The following GNAI3 variants were observed in gnomAD, a reference collection of about 807,000 sequenced individuals.
GNAI3 encodes the protein G protein subunit alpha i3, also known as guanine nucleotide-binding protein G(i) subunit alpha-3.
A neutral mutation model predicts 41.8 loss-of-function variants in GNAI3; 12 were observed. The observed-to-expected ratio is 0.29, with a 90% confidence interval of 0.18 to 0.47. The LOEUF (loss-of-function observed/expected upper bound fraction) is 0.47. GNAI3 is among the 20% of genes least tolerant of loss of function. The probability of loss-of-function intolerance (pLI) is 1.00; values close to 1 mark genes in which losing one functional copy is unlikely to be tolerated. For synonymous variants in GNAI3, 132 were observed against 146.5 expected, an observed-to-expected ratio of 0.90 and a Z score of 0.71; for missense variants, 360 against 429.6, an observed-to-expected ratio of 0.84 and a Z score of 1.43.
chr1:109,564,183 T>G (rs1042020767), intron 1 of GNAI3, among the ~76,000 whole-genome samples: 5 of 152,168 alleles, frequency 3.3e-5, no homozygotes, highest in African/African-American at 1.2e-4. Flanking sequence ...CCGCAAGAAC[T>G]GATGCAGCTC....
intron 5 of GNAI3, among the ~76,000 whole-genome samples, chr1:109,585,935 C>T (rs1348206497): frequency 6.6e-6 from 1 of 152,020 alleles, no homozygotes. Flanking sequence ...CATTTCAGTG[C>T]TTATTCTGCT....
Position 109,553,854 on chromosome 1 carries a change from A to G in GNAI3, c.118+5016A>G, listed in dbSNP as rs569005932. On this transcript the variant is annotated intron_variant, in intron 1 of 8. Coordinates refer to ENST00000369851, the MANE Select transcript of GNAI3 (RefSeq NM_006496.4). ...AATGTATAGTCCTTTATCCCTCACCACCTTCCCACCCTTTCCCCCGAGTCC... is the reference window on the plus strand; with the variant it reads ...AATGTATAGTCCTTTATCCCTCACCGCCTTCCCACCCTTTCCCCCGAGTCC... Among the ~76,000 whole-genome samples the G allele has an allele frequency of 2.0e-4, 31 of 152,096 alleles. 1 individual carries two copies. Among genetic ancestry groups the G allele is most frequent in the Middle Eastern group, 6.8e-3 (2 of 294 alleles).
chr1:109,567,434 G>A (rs977862868), intron 1 of GNAI3, among the ~76,000 whole-genome samples: 2 of 152,192 alleles, frequency 1.3e-5, no homozygotes, highest in Non-Finnish European at 2.9e-5. Flanking sequence ...ATAAATGGTT[G>A]AAAAGGAGAG....
intron 1 of GNAI3, among the ~76,000 whole-genome samples, chr1:109,555,236 G>A (rs896369817): frequency 6.6e-6 from 1 of 152,078 alleles, no homozygotes; most frequent in African/African-American, 2.4e-5. Context: ...GCAAGACTAA[G>A]CAAAAAGAAC....
In GNAI3 at chr1:109,589,096, G is replaced by A. The variant is rs146561488; in HGVS notation, c.874+2214G>A. Among the ~76,000 whole-genome samples the A allele has an allele frequency of 4.8e-3, 733 of 152,214 alleles. 7 individuals carry two copies. Among genetic ancestry groups the A allele is most frequent in the African/African-American group, 0.016 (669 of 41,522 alleles). On this transcript the variant is annotated intron_variant, in intron 7 of 8. Transcript: ENST00000369851. ...TTATATTCGAGGTTGAGGAGAGGTT[G>A]GGGTTTGAGATCATCAGTAGTGAAA...
intron 1 of GNAI3, among the ~76,000 whole-genome samples, chr1:109,562,233 A>G (rs979037817): frequency 6.6e-6 from 1 of 152,136 alleles, no homozygotes; most frequent in African/African-American, 2.4e-5. Context: ...TAATACAAAA[A>G]AAGTATAACT....
At chr1:109,583,493 G>A (rs1427290458) in intron 5 of GNAI3, among the ~76,000 whole-genome samples, 1 of 152,204 alleles carries the variant, frequency 6.6e-6, no homozygotes, top group Non-Finnish European at 1.5e-5. Flanking sequence ...GGGATTGCAG[G>A]TGTGAGCCAC....
At chr1:109,555,397 A>G (rs1057280879) in intron 1 of GNAI3, among the ~76,000 whole-genome samples, 1 of 152,218 alleles carries the variant, frequency 6.6e-6, no homozygotes, top group Non-Finnish European at 1.5e-5. Flanking sequence ...CCAGTCAACT[A>G]ATCTTCGACA....
chr1:109,574,655 G>A (rs1037128745), intron 3 of GNAI3, among the ~76,000 whole-genome samples: 13 of 152,102 alleles, frequency 8.5e-5, no homozygotes, highest in South Asian at 8.3e-4. Flanking sequence ...TAAAATTAGA[G>A]CATGTGTAAT....
At chr1:109,573,527 A>C (rs1169718968) in intron 1 of GNAI3, among the ~76,000 whole-genome samples, 1 of 152,222 alleles carries the variant, frequency 6.6e-6, no homozygotes, top group East Asian at 1.9e-4. Context: ...GGACACTTTC[A>C]ATAAATTATA....
At chr1:109,562,389 G>T (rs768208768) in intron 1 of GNAI3, among the ~76,000 whole-genome samples, 6 of 152,186 alleles carry the variant, frequency 3.9e-5, no homozygotes, top group East Asian at 1.9e-4. Flanking sequence ...GGTATCCTAG[G>T]GGGGGTCCTG....
At chr1:109,573,641 C>T (rs1359432130) in intron 1 of GNAI3, 96 bp from the exon 2 acceptor site, 5 of 1,012,612 alleles carry the variant, frequency 4.9e-6, no homozygotes, top group African/African-American at 4.8e-5. Context: ...CCCTAGGACC[C>T]GTGGTTTTCA....
At chr1:109,549,734 C>G (rs1308273141) in intron 1 of GNAI3, among the ~76,000 whole-genome samples, 2 of 152,162 alleles carry the variant, frequency 1.3e-5, no homozygotes, top group African/African-American at 2.4e-5. Flanking sequence ...TGGTAGACTT[C>G]TGGTGGCTGT....
rs568431683 is a variant in GNAI3 at position 109,599,217 on chromosome 1, AT to A, written c.*6901del. The A allele has an allele frequency of 2.1e-5, 4 of 193,390 alleles. No individual in the cohort carries two copies. In the South Asian group the frequency reaches 2.2e-4, roughly 11 times the overall value. 12.0% of individuals were successfully genotyped at this position (193,390 alleles called of 1,614,324 possible). A position where few individuals can be genotyped will look rare whatever the true frequency, so the allele number is the denominator to read the frequency against. ...AAATACAAATTTCTAATTATAGTAT[AT>A]TTTTTCTATTTTTAAAATTGTGATA... is the stretch of plus-strand genomic sequence containing the variant. On this transcript the variant is annotated 3_prime_UTR_variant, in exon 9 of 9. Transcript: ENST00000369851.
At chr1:109,560,311 A>G (rs1648275287) in intron 1 of GNAI3, among the ~76,000 whole-genome samples, 1 of 152,168 alleles carries the variant, frequency 6.6e-6, no homozygotes, top group Non-Finnish European at 1.5e-5. Context: ...TTATATCTCA[A>G]AGAATTCTTA....
rs541741792 is a variant in GNAI3 at position 109,599,995 on chromosome 1, G to C, written c.*7673G>C. ...CTTGATGAAGATACTCTTCCTTCCT[G>C]GGCTTCAGTTTTTGATCTATAAATT... On this transcript the variant is annotated 3_prime_UTR_variant, in exon 9 of 9. Coordinates refer to ENST00000369851, the MANE Select transcript of GNAI3 (RefSeq NM_006496.4). 2.0e-5 allele frequency: 3 copies of C among 152,040 alleles called. No homozygotes were observed. Among genetic ancestry groups the C allele is most frequent in the Non-Finnish European group, 4.4e-5 (3 of 68,004 alleles). 9.4% of individuals were successfully genotyped at this position (152,040 alleles called of 1,614,324 possible). A position where few individuals can be genotyped will look rare whatever the true frequency, so the allele number is the denominator to read the frequency against.
chr1:109,557,428 A>T (rs1347624874), intron 1 of GNAI3, among the ~76,000 whole-genome samples: 1 of 152,176 alleles, frequency 6.6e-6, no homozygotes, highest in Non-Finnish European at 1.5e-5. Flanking sequence ...TGCAGGACTT[A>T]ATAGAATGCT....
At chr1:109,576,105 GT>G (rs1648736575) in intron 3 of GNAI3, among the ~76,000 whole-genome samples, 1 of 152,088 alleles carries the variant, frequency 6.6e-6, no homozygotes, top group Non-Finnish European at 1.5e-5. Context: ...TTTTGCTCTT[GT>G]CACCCAGGCT....
chr1:109,575,524 C>A (rs1178177964), intron 3 of GNAI3, among the ~76,000 whole-genome samples: 2 of 142,634 alleles, frequency 1.4e-5, no homozygotes, highest in East Asian at 4.0e-4. Context: ...ATCTCCCTAC[C>A]CTTTCATTTC....
Sources: allele counts gnomAD v4.1 joint callset (sites outside exome capture counted in the v4.1 genomes callset), GRCh38; gene constraint gnomAD v4.1.1; transcripts MANE v1.5; gene names NCBI Gene and HGNC (gene_info 2026-07-23, HGNC 2026-07-21).